The following NBR1 variants were observed in gnomAD, a reference collection of about 807,000 sequenced individuals.
NBR1 encodes NBR1 autophagy cargo receptor.
A neutral mutation model predicts 115.5 loss-of-function variants in NBR1; 59 were observed. That is an observed-to-expected ratio of 0.51 (90% confidence interval 0.41 to 0.63). The LOEUF (loss-of-function observed/expected upper bound fraction) is 0.63. Among genes scored for constraint, NBR1 ranks in the 30% least tolerant of loss-of-function variants. The probability of loss-of-function intolerance (pLI) is 0.00; values close to 1 mark genes in which losing one functional copy is unlikely to be tolerated. For synonymous variants in NBR1, 373 were observed against 414.7 expected, an observed-to-expected ratio of 0.90 and a Z score of 1.22; for missense variants, 1,043 against 1,150.5, an observed-to-expected ratio of 0.91 and a Z score of 1.35.
chr17:43,203,163 AAG>A (rs1178387783), intron 19 of NBR1, among the ~76,000 whole-genome samples: 5 of 152,192 alleles, frequency 3.3e-5, no homozygotes, highest in African/African-American at 4.8e-5. Flanking sequence ...AAAAAAAAAA[AAG>A]AGTGTTTTAT....
At position 43,179,767 on chromosome 17, in the gene NBR1, GTTTA is replaced by G. The variant is rs144555969; in HGVS notation, c.184+361_184+364del. Reference sequence around the variant, plus strand: ...TTATAAAACAAGTGGTATTCCAAAAGTTTATTTATCAGATGTTCAGAGCTTGGAG... The same window carrying G: ...TTATAAAACAAGTGGTATTCCAAAAGTTTATCAGATGTTCAGAGCTTGGAG... On this transcript the variant is annotated intron_variant, in intron 4 of 20. Coordinates refer to ENST00000590996, the MANE Select transcript of NBR1 (RefSeq NM_005899.5). Among the ~76,000 whole-genome samples, 999 of 152,338 alleles carry G rather than the reference GTTTA, an allele frequency of 6.6e-3. 9 individuals are homozygous for G. The highest frequency in any genetic ancestry group is 0.022 in the African/African-American group (926 of 41,570).
chr17:43,211,034 G>A lies in NBR1; in HGVS notation c.*960G>A. 1 of 262,578 alleles carries A rather than the reference G, an allele frequency of 3.8e-6. No individual in the cohort carries two copies. Among genetic ancestry groups the A allele is most frequent in the Non-Finnish European group, 7.1e-6 (1 of 140,508 alleles). The allele number at this position is 262,578 out of a possible 1,614,324, so 16.3% of individuals were successfully genotyped here. A position where few individuals can be genotyped will look rare whatever the true frequency, so the allele number is the denominator to read the frequency against. The stretch of plus-strand genomic sequence containing the variant: ...TGAGTGTGTGTGAGGTATAGGAAAT[G>A]CTGATGACTTCTTTAATGCTTGAAG... On this transcript the variant is annotated 3_prime_UTR_variant, in exon 21 of 21. Transcript: ENST00000590996.
chr17:43,206,133 G>A (rs35221180), intron 20 of NBR1, among the ~76,000 whole-genome samples: 45,103 of 148,170 alleles, frequency 0.3, 7,367 homozygotes, highest in South Asian at 0.5. Context: ...CCGAGATTGC[G>A]CCACTGCACT....
intron 18 of NBR1, among the ~76,000 whole-genome samples, chr17:43,202,314 A>G (rs1186478049): frequency 6.6e-6 from 1 of 152,056 alleles, no homozygotes; most frequent in Non-Finnish European, 1.5e-5. Context: ...GAGCCAAACA[A>G]TCTAGGTTCC....
rs1567845321 is a variant in NBR1 at position 43,177,845 on chromosome 17, T to G, written c.103-91T>G. 14 of 1,155,122 alleles carry G rather than the reference T, an allele frequency of 1.2e-5. 1 individual carries two copies. The highest frequency in any genetic ancestry group is 1.6e-5 in the Non-Finnish European group (14 of 870,914). The allele number at this position is 1,155,122 out of a possible 1,614,324, so 71.6% of individuals were successfully genotyped here. Reference sequence around the variant, plus strand: ...CCTTTGTTATGGGTTATTAAGGTTGTTTGTTGTTTGTCTTTTGATTTTGTG... The same window carrying G: ...CCTTTGTTATGGGTTATTAAGGTTGGTTGTTGTTTGTCTTTTGATTTTGTG... On this transcript the variant is annotated intron_variant, in intron 2 of 20. Coordinates refer to ENST00000590996, the MANE Select transcript of NBR1 (RefSeq NM_005899.5).
chr17:43,199,460 G>A (rs977108578), intron 16 of NBR1, among the ~76,000 whole-genome samples: 4 of 151,028 alleles, frequency 2.6e-5, no homozygotes, highest in African/African-American at 4.9e-5. Context: ...TGCAACCTCC[G>A]CCTTCCCAGG....
At chr17:43,177,397 G>C (rs1001553477) in intron 2 of NBR1, among the ~76,000 whole-genome samples, 47 of 150,410 alleles carry the variant, frequency 3.1e-4, no homozygotes, top group African/African-American at 1.1e-3. Context: ...ATACAAATGT[G>C]AGATTAATGG....
intron 1 of NBR1, among the ~76,000 whole-genome samples, chr17:43,172,281 CAA>C (rs959059556): frequency 2.0e-5 from 3 of 152,128 alleles, no homozygotes; most frequent in Non-Finnish European, 4.4e-5. Flanking sequence ...ACATGTCAGC[CAA>C]AGAGAGTTCC....
rs188568228 is a variant in NBR1 at position 43,195,039 on chromosome 17, G to T, written c.1750G>T (p.Asp584Tyr). 1 of 1,612,198 alleles carries T rather than the reference G, an allele frequency of 6.2e-7. No individual in the cohort carries two copies. Among genetic ancestry groups the T allele is most frequent in the East Asian group, 2.2e-5 (1 of 44,848 alleles). ...GAGAGTGCCCCACAACACCCCTGTGGGTAAGAATGTCACTCATTTCATCTT... is the reference window on the plus strand; with the variant it reads ...GAGAGTGCCCCACAACACCCCTGTGTGTAAGAATGTCACTCATTTCATCTT... Reference protein sequence around the residue: ...LERVPHNTPVDVTPCMSPLPH... With the variant: ...LERVPHNTPVYVTPCMSPLPH... The change falls in exon 14 of 21, where the codon GAT (aspartate) becomes TAT (tyrosine). Residue 584 changes from aspartate to tyrosine, a missense_variant and splice_region_variant. Transcript: ENST00000590996.
At chr17:43,180,848 A>G in intron 5 of NBR1, 31 bp downstream of exon 5, 1 of 1,383,168 alleles carries the variant, frequency 7.2e-7, no homozygotes, top group Non-Finnish European at 9.4e-7. Flanking sequence ...TTTTTAAATA[A>G]TTTAAAAAAT....
At chr17:43,193,713 C>A in intron 12 of NBR1, 75 bp downstream of exon 12, 1 of 1,461,052 alleles carries the variant, frequency 6.8e-7, no homozygotes, top group Non-Finnish European at 9.2e-7. Flanking sequence ...ACTAAAAGAA[C>A]CCACTCATAG....
chr17:43,201,722 A>C lies in NBR1; in HGVS notation c.2505A>C (p.Gly835=). ...GTGTACATCATCATGGTTCCCCAGG[A>C]GTGGATTTACCAGTTACCATACCAG... The part of the protein sequence containing the change: ...SPCVHHHGSP[G]VDLPVTIPEV... Residue 835 remains glycine (G), a synonymous_variant, in exon 18 of 21, where the codon GGA becomes GGC. Transcript: ENST00000590996. The C allele has an allele frequency of 6.2e-7, 1 of 1,608,970 alleles. No individual in the cohort carries two copies. The highest frequency in any genetic ancestry group is 8.5e-7 in the Non-Finnish European group (1 of 1,175,374).
chr17:43,198,684 A>G (rs1375561497), intron 16 of NBR1, among the ~76,000 whole-genome samples: 3 of 151,438 alleles, frequency 2.0e-5, no homozygotes, highest in Non-Finnish European at 4.4e-5. Flanking sequence ...ACATGTGGCC[A>G]GGTGCGGTGG....
chr17:43,203,829 C>T, intron 20 of NBR1, 43 bp downstream of exon 20: 1 of 1,256,144 alleles, frequency 8.0e-7, no homozygotes, highest in Non-Finnish European at 1.1e-6. Flanking sequence ...AACTCCATGT[C>T]ACCAGTGAAA....
chr17:43,193,706 A>G, intron 12 of NBR1, 68 bp downstream of exon 12: 8 of 1,486,058 alleles, frequency 5.4e-6, no homozygotes, highest in Non-Finnish European at 7.2e-6. Context: ...GGCTAAAACT[A>G]AAAGAACCCA....
chr17:43,176,439 T>G (rs1276881514), intron 2 of NBR1: 4 of 152,346 alleles, frequency 2.6e-5, no homozygotes, highest in African/African-American at 9.6e-5. Flanking sequence ...CCCTTTGTAC[T>G]CTTCTGTTTT....
Position 43,202,638 on chromosome 17 carries a change from A to G in NBR1, c.2564-17A>G. The G allele has an allele frequency of 1.3e-6, 2 of 1,561,766 alleles. No homozygotes were observed. Among genetic ancestry groups the G allele is most frequent in the Non-Finnish European group, 1.7e-6 (2 of 1,151,116 alleles). ...CTTATGGATGCTGCATCTAACCAACAGCTCTTTTGCTTTTAGAGCCCAGAG... is the reference window on the plus strand; with the variant it reads ...CTTATGGATGCTGCATCTAACCAACGGCTCTTTTGCTTTTAGAGCCCAGAG... On this transcript the variant is annotated splice_polypyrimidine_tract_variant and intron_variant, in intron 18 of 20. Coordinates refer to ENST00000590996, the MANE Select transcript of NBR1 (RefSeq NM_005899.5).
At position 43,200,478 on chromosome 17, in the gene NBR1, G is replaced by T. The variant is rs1273301455; in HGVS notation, c.2338G>T (p.Gly780Trp). Residue 780 changes from glycine to tryptophan, a missense_variant, in exon 17 of 21, where the codon GGG becomes TGG. Transcript: ENST00000590996. ...GGCTGGGCAGGAACCAGCTGAGGCT[G>T]GGGAAAGACTCCCTGGAGGGGAGAA... ...VEAGQEPAEA[G>W]ERLPGGENQP... The T allele has an allele frequency of 6.2e-6, 10 of 1,613,604 alleles. No homozygotes were observed. Among genetic ancestry groups the T allele is most frequent in the Non-Finnish European group, 8.5e-6 (10 of 1,179,754 alleles).
chr17:43,194,353 A>G lies in NBR1; in HGVS notation c.1528A>G (p.Thr510Ala), dbSNP rs745548487. 1 of 1,612,742 alleles carries G rather than the reference A, an allele frequency of 6.2e-7. No homozygotes were observed. The highest frequency in any genetic ancestry group is 8.5e-7 in the Non-Finnish European group (1 of 1,179,296). The change falls in exon 13 of 21, where the codon ACT (threonine) becomes GCT (alanine). Residue 510 changes from threonine to alanine, a missense_variant. Coordinates refer to ENST00000590996, the MANE Select transcript of NBR1 (RefSeq NM_005899.5). ...TDDLTCQQEE[T>A]FLLAKEERQL... ...TCTCAATGGTTTGTCTCTATAGGAA[A>G]CTTTTCTTCTGGCTAAAGAAGAAAG...
Sources: gnomAD v4.1 joint callset for allele counts (sites outside exome capture counted in the v4.1 genomes callset) on GRCh38, gnomAD v4.1.1 for gene constraint, MANE v1.5 for transcripts, NCBI Gene and HGNC (gene_info 2026-07-23, HGNC 2026-07-21) for gene names.